SH3PXD2A: variants seen among roughly 807,000 people sequenced by gnomAD.
The protein encoded by SH3PXD2A is SH3 and PX domains 2A, also known as SH3 and PX domain-containing protein 2A.
In SH3PXD2A, 32 loss-of-function variants were observed where a neutral mutation model predicts 115.2. That is an observed-to-expected ratio of 0.28 (90% CI 0.21 to 0.37). The LOEUF is 0.37. Ranked by LOEUF, SH3PXD2A falls within the 10% of genes least tolerant of loss-of-function variation. SH3PXD2A has a pLI of 1.00. For synonymous variants in SH3PXD2A, 610 were observed against 629.1 expected, an observed-to-expected ratio of 0.97 and a Z score of 0.45; for missense variants, 1,328 against 1,498.7, an observed-to-expected ratio of 0.89 and a Z score of 1.88.
At position 103,602,364 on chromosome 10, in the gene SH3PXD2A, T is replaced by G; in HGVS notation, c.2854A>C (p.Lys952Gln). Residue 952 changes from lysine to glutamine, a missense_variant, in exon 15 of 15, where the codon AAA becomes CAA. Lys to Gln is a moderately conservative substitution (Grantham distance 53, BLOSUM62 1). Transcript: ENST00000369774. Reference protein sequence around the residue: ...SKKATPPIPSKPPGGFGKTSG... With the variant: ...SKKATPPIPSQPPGGFGKTSG... Reference sequence around the variant, plus strand: ...GTCTTGCCGAAGCCCCCGGGAGGTTTGGAGGGGATGGGGGGCGTGGCCTTC... The same window carrying G: ...GTCTTGCCGAAGCCCCCGGGAGGTTGGGAGGGGATGGGGGGCGTGGCCTTC... 6.2e-7 allele frequency: 1 copy of G among 1,613,720 alleles called. No individual in the cohort carries two copies. Among genetic ancestry groups the G allele is most frequent in the Non-Finnish European group, 8.5e-7 (1 of 1,179,894 alleles).
chr10:103,638,340 C>T (rs914383468), intron 8 of SH3PXD2A, among the ~76,000 whole-genome samples: 1 of 152,230 alleles, frequency 6.6e-6, no homozygotes, highest in Non-Finnish European at 1.5e-5. Context: ...CTGCTGCCAC[C>T]TTCCCACTCA....
chr10:103,674,560 G>A (rs930787260), intron 6 of SH3PXD2A, among the ~76,000 whole-genome samples: 3 of 152,198 alleles, frequency 2.0e-5, no homozygotes, highest in Admixed American at 6.5e-5. Flanking sequence ...GGTGGCTCAC[G>A]CCTGTAATCC....
At chr10:103,615,499 T>C (rs1403973996) in intron 11 of SH3PXD2A, among the ~76,000 whole-genome samples, 1 of 100,358 alleles carries the variant, frequency 1.0e-5, no homozygotes, top group African/African-American at 3.1e-5. Context: ...TGTGTGTGTG[T>C]GTGTGTGTGT....
intron 1 of SH3PXD2A, among the ~76,000 whole-genome samples, chr10:103,822,698 C>G (rs936889779): frequency 4.6e-5 from 7 of 152,194 alleles, no homozygotes; most frequent in Non-Finnish European, 8.8e-5. Flanking sequence ...CACCACCAAG[C>G]CCCCTTAGAG....
At position 103,746,877 on chromosome 10, in the gene SH3PXD2A, T is replaced by C. The variant is rs1046517068; in HGVS notation, c.230-11069A>G. 6 of 152,412 alleles carry C rather than the reference T, an allele frequency of 3.9e-5. No homozygotes were observed. The highest frequency in any genetic ancestry group is 6.5e-5 in the Admixed American group (1 of 15,284). 9.4% of individuals were successfully genotyped at this position (152,412 alleles called of 1,614,324 possible). A position where few individuals can be genotyped will look rare whatever the true frequency, so the allele number is the denominator to read the frequency against. ...CCCAGCCATTGCCTTGCATCCCTCA[T>C]TGGGAGGCCTTTGGTGGCCATGTGC... On this transcript the variant is annotated intron_variant, in intron 3 of 14. Coordinates refer to ENST00000369774, the MANE Select transcript of SH3PXD2A (RefSeq NM_001394015.1). The surrounding 1 kb of genome is among the most constrained non-coding windows in gnomAD (Gnocchi z 4.4).
In SH3PXD2A at chr10:103,724,341, G is replaced by C. The variant is rs752873465; in HGVS notation, c.327C>G (p.Pro109=). 36 of 1,581,904 alleles carry C rather than the reference G, an allele frequency of 2.3e-5. No homozygotes were observed. In the East Asian group the frequency reaches 7.2e-4, roughly 32 times the overall value. The part of the protein sequence containing the change: ...EYCRALVRLP[P]HISQCDEVFR... ...AGACTTCGTCACACTGTGAGATGTGGGGGGGCAGCCGGACAAGTGCCTGTG... is the reference window on the plus strand; with the variant it reads ...AGACTTCGTCACACTGTGAGATGTGCGGGGGCAGCCGGACAAGTGCCTGTG... The change falls in exon 5 of 15, where the codon CCC becomes CCG. Residue 109 remains proline, a synonymous_variant. Transcript: ENST00000369774.
At chr10:103,625,052 C>T (rs984794364) in intron 9 of SH3PXD2A, among the ~76,000 whole-genome samples, 1 of 152,206 alleles carries the variant, frequency 6.6e-6, no homozygotes, top group Non-Finnish European at 1.5e-5. Context: ...CACACATACA[C>T]CCACACCGCC....
chr10:103,749,143 G>C (rs761891074), intron 3 of SH3PXD2A, among the ~76,000 whole-genome samples: 34 of 113,564 alleles, frequency 3.0e-4, no homozygotes, highest in Non-Finnish European at 3.4e-4. Flanking sequence ...CACCCGCCTT[G>C]GCCTCCCAAA....
At chr10:103,606,430 G>T (rs1363096772) in intron 13 of SH3PXD2A, among the ~76,000 whole-genome samples, 3 of 20,946 alleles carry the variant, frequency 1.4e-4, no homozygotes, top group South Asian at 1.5e-3. Flanking sequence ...GGAAGAATTT[G>T]CTAAAAAAAA....
chr10:103,652,269 G>A (rs1009044697), intron 8 of SH3PXD2A, among the ~76,000 whole-genome samples: 5 of 152,240 alleles, frequency 3.3e-5, no homozygotes, highest in Non-Finnish European at 5.9e-5. Context: ...AGAAGCTTCC[G>A]TCAGTTTCCT....
intron 1 of SH3PXD2A, among the ~76,000 whole-genome samples, chr10:103,809,473 T>C (rs1013232782): frequency 1.3e-5 from 2 of 152,172 alleles, no homozygotes; most frequent in Admixed American, 6.5e-5. Context: ...CAGACGCTTC[T>C]ACTGCAGACC....
intron 1 of SH3PXD2A, among the ~76,000 whole-genome samples, chr10:103,810,871 C>G (rs1039216001): frequency 2.1e-5 from 3 of 144,628 alleles, no homozygotes; most frequent in Non-Finnish European, 3.1e-5. Flanking sequence ...TACAGGGACA[C>G]AGACATACAC....
chr10:103,789,556 CAA>C (rs575486243), intron 2 of SH3PXD2A, among the ~76,000 whole-genome samples: 6,631 of 150,996 alleles, frequency 0.044, 165 homozygotes, highest in South Asian at 0.086. Context: ...CACACACACA[CAA>C]CACTCACCTG....
At chr10:103,768,877 G>A (rs562494791) in intron 2 of SH3PXD2A, among the ~76,000 whole-genome samples, 21 of 152,216 alleles carry the variant, frequency 1.4e-4, no homozygotes, top group African/African-American at 4.8e-4. Flanking sequence ...TTCCACTCAC[G>A]GCATGGAAGG....
intron 3 of SH3PXD2A, among the ~76,000 whole-genome samples, chr10:103,738,204 C>T (rs2038401407): frequency 2.0e-5 from 3 of 152,200 alleles, no homozygotes; most frequent in African/African-American, 4.8e-5. Flanking sequence ...GCGTCCCTCT[C>T]GAAAGGAGAT....
chr10:103,701,025 C>T, intron 5 of SH3PXD2A, among the ~76,000 whole-genome samples: 1 of 4,002 alleles, frequency 2.5e-4, no homozygotes, highest in Non-Finnish European at 3.8e-4. Flanking sequence ...ATCCACCATC[C>T]ATCCATCCAT....
chr10:103,828,507 G>C (rs1469396102), intron 1 of SH3PXD2A, among the ~76,000 whole-genome samples: 1 of 152,206 alleles, frequency 6.6e-6, no homozygotes, highest in Non-Finnish European at 1.5e-5. Flanking sequence ...TTCCATGAAA[G>C]TCAGGCTGCT....
intron 2 of SH3PXD2A, among the ~76,000 whole-genome samples, chr10:103,797,076 C>A (rs1225823479): frequency 6.6e-6 from 1 of 152,066 alleles, no homozygotes; most frequent in Non-Finnish European, 1.5e-5. Flanking sequence ...ATTGCCCAGG[C>A]TGGTCTTGAA....
chr10:103,830,710 G>A (rs2039475240), intron 1 of SH3PXD2A, among the ~76,000 whole-genome samples: 1 of 152,082 alleles, frequency 6.6e-6, no homozygotes, highest in African/African-American at 2.4e-5. Flanking sequence ...ATATAGTATT[G>A]AGTAAAAAGG....
Sources: gnomAD v4.1 joint callset for allele counts (sites outside exome capture counted in the v4.1 genomes callset) on GRCh38, gnomAD v4.1.1 for gene constraint, Gnocchi (gnomAD v3.1) non-coding constraint, MANE v1.5 for transcripts, NCBI Gene and HGNC (gene_info 2026-07-23, HGNC 2026-07-21) for gene names.